The following BMERB1 variants were observed in gnomAD, a reference collection of about 807,000 sequenced individuals.
BMERB1 encodes bMERB domain containing 1.
BMERB1 carries 12 observed loss-of-function variants against 23.6 expected under a neutral mutation model. The ratio of observed to expected loss-of-function variants is 0.51; its 90% CI spans 0.33 to 0.82. The LOEUF is 0.82. BMERB1 is among the 40% of genes least tolerant of loss of function. The pLI, the probability that BMERB1 is intolerant of heterozygous loss-of-function variation, is 0.03. For synonymous variants in BMERB1, 122 were observed against 96.6 expected (o/e 1.26, Z -1.54); for missense variants, 247 against 255.4 (o/e 0.97, Z 0.22).
intron 1 of BMERB1, among the ~76,000 whole-genome samples, chr16:15,469,823 G>T (rs1417381319): frequency 2.0e-5 from 3 of 152,052 alleles, no homozygotes; most frequent in Non-Finnish European, 4.4e-5. Flanking sequence ...GTTCATATTT[G>T]TCTCTTGACA....
At chr16:15,523,840 A>G (rs1227266636) in intron 2 of BMERB1, among the ~76,000 whole-genome samples, 1 of 152,122 alleles carries the variant, frequency 6.6e-6, no homozygotes, top group African/African-American at 2.4e-5. Flanking sequence ...AGGGCTGCTT[A>G]TGGTTGTCTC....
chr16:15,519,779 T>A (rs1238996355), intron 2 of BMERB1, among the ~76,000 whole-genome samples: 1 of 152,152 alleles, frequency 6.6e-6, no homozygotes, highest in African/African-American at 2.4e-5. Flanking sequence ...ATGGGCTTCC[T>A]TTTTCTCAGC....
rs1367727187 is a variant in BMERB1, at chr16:15,587,998, G to A, written c.*1169G>A. 3 of 151,896 alleles carry A rather than the reference G, an allele frequency of 2.0e-5. No homozygotes were observed. The highest frequency in any genetic ancestry group is 2.9e-5 in the Non-Finnish European group (2 of 68,062). The allele number at this position is 151,896 out of a possible 1,614,324, so 9.4% of individuals were successfully genotyped here. The stretch of plus-strand genomic sequence containing the variant: ...GTTTTTACTTTTTTTCTTGATTATG[G>A]AAGTAATCCATGTACATAGTAAATC... On this transcript the variant is annotated 3_prime_UTR_variant, in exon 6 of 6. Transcript: ENST00000300006.
At position 15,533,729 on chromosome 16, in the gene BMERB1, A is replaced by G. The variant is rs148718130; in HGVS notation, c.230+18301A>G. Among the ~76,000 whole-genome samples the G allele has an allele frequency of 2.0e-3, 307 of 152,294 alleles. 1 individual carries two copies. The highest frequency in any genetic ancestry group is 7.0e-3 in the African/African-American group (290 of 41,556). On this transcript the variant is annotated intron_variant, in intron 2 of 5. Coordinates refer to ENST00000300006, the MANE Select transcript of BMERB1 (RefSeq NM_033201.3). ...GCCAGTCTTTGAAGGGAAAGAGGACAGAGCGTCTGCCTCAAGAATAACAAG... is the reference window on the plus strand; with the variant it reads ...GCCAGTCTTTGAAGGGAAAGAGGACGGAGCGTCTGCCTCAAGAATAACAAG...
At position 15,438,554 on chromosome 16, in the gene BMERB1, G is replaced by C. The variant is rs1206027647; in HGVS notation, c.106+3795G>C. Among the ~76,000 whole-genome samples, 6 of 151,254 alleles carry C rather than the reference G, an allele frequency of 4.0e-5. No individual in the cohort carries two copies. In the East Asian group the frequency reaches 1.2e-3, roughly 29 times the overall value. Reference sequence around the variant, plus strand: ...AGCTCACTGCAACATCTGCCTCCCAGGTTCAAGCAATTCTCCCGCCTCAGC... The same window carrying C: ...AGCTCACTGCAACATCTGCCTCCCACGTTCAAGCAATTCTCCCGCCTCAGC... On this transcript the variant is annotated intron_variant, in intron 1 of 5. Coordinates refer to ENST00000300006, the MANE Select transcript of BMERB1 (RefSeq NM_033201.3).
intron 1 of BMERB1, among the ~76,000 whole-genome samples, chr16:15,498,046 C>T (rs1477091551): frequency 6.6e-6 from 1 of 152,160 alleles, no homozygotes; most frequent in Non-Finnish European, 1.5e-5. Context: ...TAGATGTTAT[C>T]ATTATCCTTC....
chr16:15,506,271 G>T (rs187199393), intron 1 of BMERB1, among the ~76,000 whole-genome samples: 23 of 152,002 alleles, frequency 1.5e-4, no homozygotes, highest in Admixed American at 2.6e-4. Context: ...CGCCTCCCAG[G>T]TTCACACCAT....
At chr16:15,435,113 G>C (rs1056611282) in intron 1 of BMERB1, among the ~76,000 whole-genome samples, 2 of 152,238 alleles carry the variant, frequency 1.3e-5, no homozygotes, top group African/African-American at 4.8e-5. Flanking sequence ...CGCCTGGGAT[G>C]CGCCAGGGCG....
At chr16:15,474,387 C>T (rs1260953221) in intron 1 of BMERB1, among the ~76,000 whole-genome samples, 2 of 152,090 alleles carry the variant, frequency 1.3e-5, no homozygotes, top group Non-Finnish European at 2.9e-5. Context: ...TATTTTGAGA[C>T]AGGGTCTCAC....
intron 1 of BMERB1, among the ~76,000 whole-genome samples, chr16:15,438,647 A>G (rs12598459): frequency 0.1 from 15,821 of 151,746 alleles, 1,133 homozygotes; most frequent in East Asian, 0.38. Context: ...TTTACTAGAG[A>G]TGGGGTTTCA....
At chr16:15,460,678 A>C (rs1319783702) in intron 1 of BMERB1, among the ~76,000 whole-genome samples, 1 of 152,196 alleles carries the variant, frequency 6.6e-6, no homozygotes, top group African/African-American at 2.4e-5. Context: ...ACACATCCAC[A>C]CATATTGGCT....
chr16:15,517,384 G>A (rs948174532), intron 2 of BMERB1, among the ~76,000 whole-genome samples: 5 of 151,988 alleles, frequency 3.3e-5, no homozygotes, highest in African/African-American at 4.8e-5. Flanking sequence ...GGTGGCGTGC[G>A]CCTATAATCC....
chr16:15,494,877 CTTTTTTTTTTTT>C (rs754135430), intron 1 of BMERB1, among the ~76,000 whole-genome samples: 1 of 95,176 alleles, frequency 1.1e-5, no homozygotes, highest in African/African-American at 4.0e-5. Context: ...TTTTTTTTAT[CTTTTTTTTTTTT>C]TTTTTTTTTT....
At chr16:15,577,688 T>A (rs1035787313) in intron 3 of BMERB1, among the ~76,000 whole-genome samples, 3 of 152,218 alleles carry the variant, frequency 2.0e-5, no homozygotes. Flanking sequence ...TTTATGTCTC[T>A]CCTCCCTTCA....
chr16:15,451,806 G>T (rs2150924430), intron 1 of BMERB1, among the ~76,000 whole-genome samples: 1 of 142,714 alleles, frequency 7.0e-6, no homozygotes, highest in African/African-American at 2.6e-5. Context: ...GGACTCCTGG[G>T]CTCAAGTGAG....
chr16:15,556,543 C>T (rs900438656), intron 2 of BMERB1, among the ~76,000 whole-genome samples: 2 of 152,128 alleles, frequency 1.3e-5, no homozygotes, highest in African/African-American at 4.8e-5. Flanking sequence ...CAGAATGGGG[C>T]TCGAGGGCTC....
chr16:15,504,561 A>G (rs1214132094), intron 1 of BMERB1, among the ~76,000 whole-genome samples: 1 of 151,378 alleles, frequency 6.6e-6, no homozygotes, highest in African/African-American at 2.4e-5. Context: ...CGATCCTCCC[A>G]CCTCAGCCTC....
At chr16:15,492,586 G>A (rs2051431534) in intron 1 of BMERB1, among the ~76,000 whole-genome samples, 1 of 152,240 alleles carries the variant, frequency 6.6e-6, no homozygotes, top group South Asian at 2.1e-4. Flanking sequence ...CATCAACAGT[G>A]CCAACTCATC....
At chr16:15,435,224 G>A (rs947179285) in intron 1 of BMERB1, among the ~76,000 whole-genome samples, 8 of 152,204 alleles carry the variant, frequency 5.3e-5, no homozygotes, top group African/African-American at 1.4e-4. Flanking sequence ...GTGAGGTTTC[G>A]GAGCGCACCT....
Sources: allele counts gnomAD v4.1 joint callset (sites outside exome capture counted in the v4.1 genomes callset), GRCh38; gene constraint gnomAD v4.1.1; transcripts MANE v1.5; gene names NCBI Gene and HGNC (gene_info 2026-07-23, HGNC 2026-07-21).